Variants in BRINP3 observed in about 807,000 individuals in gnomAD.
The protein encoded by BRINP3 is BMP/retinoic acid inducible neural specific 3.
In BRINP3, 19 loss-of-function variants were observed where a neutral mutation model predicts 71.0. The ratio of observed to expected loss-of-function variants is 0.27; its 90% CI spans 0.19 to 0.39. BRINP3 has a LOEUF of 0.39. Ranked by LOEUF, BRINP3 falls within the 10% of genes least tolerant of loss-of-function variation. The pLI is 1.00. For missense variants in BRINP3, 959 were observed against 940.8 expected (o/e 1.02, Z -0.25); for synonymous variants, 380 against 337.7 (o/e 1.13, Z -1.37).
chr1:190,299,550 A>G (rs1452879643), intron 2 of BRINP3, among the ~76,000 whole-genome samples: 1 of 150,502 alleles, frequency 6.6e-6, no homozygotes, highest in East Asian at 2.0e-4. Context: ...GTCATCTAGC[A>G]TTAGGTATAT....
chr1:190,413,370 T>C (rs1345781678), intron 2 of BRINP3, among the ~76,000 whole-genome samples: 2 of 152,246 alleles, frequency 1.3e-5, no homozygotes, highest in Non-Finnish European at 2.9e-5. Flanking sequence ...CTCAATGATA[T>C]CAGGCCCTAA....
rs369191707 is a variant in BRINP3 at position 190,428,219 on chromosome 1, C to T, written c.236+26436G>A. Among the ~76,000 whole-genome samples the T allele has an allele frequency of 2.0e-5, 3 of 151,680 alleles. No homozygotes were observed. The South Asian group carries it at 6.2e-4, about 32-fold the overall frequency. ...TTTTCCTGAATAAAAAAACAAAAAA[C>T]AAAAACAAGAATTTTCATTAACACA... On this transcript the variant is annotated intron_variant, in intron 2 of 7. Coordinates refer to ENST00000367462, the MANE Select transcript of BRINP3 (RefSeq NM_199051.3).
intron 2 of BRINP3, among the ~76,000 whole-genome samples, chr1:190,395,973 A>AGAAG (rs570984411): frequency 0.016 from 2,387 of 148,792 alleles, 55 homozygotes; most frequent in African/African-American, 0.056. Context: ...GCAGAAGGAA[A>AGAAG]GAAGGAAGGA....
rs59482712 is a variant in BRINP3, at chr1:190,344,741, A to G, written c.237-62991T>C. On this transcript the variant is annotated intron_variant, in intron 2 of 7. Coordinates refer to ENST00000367462, the MANE Select transcript of BRINP3 (RefSeq NM_199051.3). Reference sequence around the variant, plus strand: ...AGGAGGTAGTTGAAAAGTTTAACATAATAAATAATCTAGCTAAATAATGAT... The same window carrying G: ...AGGAGGTAGTTGAAAAGTTTAACATGATAAATAATCTAGCTAAATAATGAT... Among the ~76,000 whole-genome samples, 506 of 151,974 alleles carry G rather than the reference A, an allele frequency of 3.3e-3. 2 individuals carry two copies. The highest frequency in any genetic ancestry group is 0.011 in the African/African-American group (465 of 41,554).
rs115047329 is a variant in BRINP3 at position 190,421,128 on chromosome 1, G to T, written c.236+33527C>A. ...TGTAACTAGAAAAAAAATGATTCCT[G>T]TTATAATCCAATAAATTGCTAATCA... is the stretch of plus-strand genomic sequence containing the variant. On this transcript the variant is annotated intron_variant, in intron 2 of 7. Transcript: ENST00000367462. Among the ~76,000 whole-genome samples, 471 of 151,586 alleles carry T rather than the reference G, an allele frequency of 3.1e-3. 4 individuals carry two copies. The highest frequency in any genetic ancestry group is 0.01 in the African/African-American group (434 of 41,438).
chr1:190,135,115 A>T (rs1022620035), intron 7 of BRINP3, among the ~76,000 whole-genome samples: 1 of 152,102 alleles, frequency 6.6e-6, no homozygotes, highest in African/African-American at 2.4e-5. Context: ...ACCTAGATGA[A>T]TTCTCCTGGT....
chr1:190,374,461 A>G (rs1670062129), intron 2 of BRINP3, among the ~76,000 whole-genome samples: 3 of 152,170 alleles, frequency 2.0e-5, no homozygotes, highest in African/African-American at 7.2e-5. Context: ...TAATTCGTCA[A>G]AAGAGAAATT....
chr1:190,284,909 T>G (rs1295162705), intron 2 of BRINP3, among the ~76,000 whole-genome samples: 1 of 152,104 alleles, frequency 6.6e-6, no homozygotes, highest in African/African-American at 2.4e-5. Context: ...TCTCCCCATA[T>G]TTTCATATAA....
intron 7 of BRINP3, among the ~76,000 whole-genome samples, chr1:190,102,654 G>T (rs1018508411): frequency 6.6e-6 from 1 of 151,872 alleles, no homozygotes; most frequent in African/African-American, 2.4e-5. Context: ...GGAAAGGGAG[G>T]GGATAAATAC....
At chr1:190,386,287 T>C (rs1165232754) in intron 2 of BRINP3, among the ~76,000 whole-genome samples, 1 of 148,540 alleles carries the variant, frequency 6.7e-6, no homozygotes, top group Admixed American at 6.7e-5. Flanking sequence ...CAAAAAAAAA[T>C]AATGACTCAT....
intron 2 of BRINP3, among the ~76,000 whole-genome samples, chr1:190,290,217 A>T (rs192657763): frequency 2.1e-4 from 32 of 152,192 alleles, no homozygotes; most frequent in Middle Eastern, 3.4e-3. Flanking sequence ...AGAAACACTA[A>T]CCGTATGTAA....
intron 2 of BRINP3, among the ~76,000 whole-genome samples, chr1:190,386,937 T>A (rs933583406): frequency 6.6e-6 from 1 of 152,016 alleles, no homozygotes; most frequent in African/African-American, 2.4e-5. Context: ...AAATCAGGAC[T>A]TATCTTTTTG....
At position 190,381,889 on chromosome 1, in the gene BRINP3, G is replaced by A. The variant is rs114716433; in HGVS notation, c.236+72766C>T. 6.0e-3 allele frequency among the ~76,000 whole-genome samples: 912 copies of A among 151,992 alleles called. 19 individuals are homozygous for A. The highest frequency in any genetic ancestry group is 0.021 in the African/African-American group (868 of 41,460). On this transcript the variant is annotated intron_variant, in intron 2 of 7. Coordinates refer to ENST00000367462, the MANE Select transcript of BRINP3 (RefSeq NM_199051.3). ...AAATTAACTTCTTCATATTTTATAT[G>A]GTAATGTATTTGTCAGAATTAAGCC... is the stretch of plus-strand genomic sequence containing the variant.
chr1:190,358,604 C>A (rs569925924), intron 2 of BRINP3, among the ~76,000 whole-genome samples: 2 of 152,178 alleles, frequency 1.3e-5, no homozygotes, highest in South Asian at 2.1e-4. Flanking sequence ...GTCAGTGTGG[C>A]GATTCCTCAA....
chr1:190,313,460 T>C (rs561279883), intron 2 of BRINP3, among the ~76,000 whole-genome samples: 33 of 152,134 alleles, frequency 2.2e-4, no homozygotes, highest in Middle Eastern at 3.4e-3. Flanking sequence ...TTTAAATTTG[T>C]ATTTAGTAGG....
chr1:190,344,514 A>G (rs1195957661), intron 2 of BRINP3, among the ~76,000 whole-genome samples: 1 of 151,870 alleles, frequency 6.6e-6, no homozygotes, highest in African/African-American at 2.4e-5. Flanking sequence ...TTCAGTTCAC[A>G]ATTTTCTACT....
At chr1:190,233,194 A>G (rs990692596) in intron 5 of BRINP3, among the ~76,000 whole-genome samples, 6 of 151,912 alleles carry the variant, frequency 3.9e-5, no homozygotes, top group African/African-American at 7.3e-5. Flanking sequence ...TGTCGCATGG[A>G]CAGTGATGTG....
chr1:190,274,576 T>G (rs1662387141), intron 3 of BRINP3, among the ~76,000 whole-genome samples: 1 of 151,700 alleles, frequency 6.6e-6, no homozygotes, highest in African/African-American at 2.4e-5. Context: ...GATGTAGCCT[T>G]TTGCCTCAAA....
chr1:190,289,714 T>C (rs1379230463), intron 2 of BRINP3, among the ~76,000 whole-genome samples: 2 of 151,984 alleles, frequency 1.3e-5, no homozygotes, highest in South Asian at 2.1e-4. Context: ...TGGGGATTTA[T>C]ATAATATAAA....
Sources: allele counts gnomAD v4.1 joint callset (sites outside exome capture counted in the v4.1 genomes callset), GRCh38; gene constraint gnomAD v4.1.1; transcripts MANE v1.5; gene names NCBI Gene and HGNC (gene_info 2026-07-23, HGNC 2026-07-21).